DNAJB12: variants seen among roughly 807,000 people sequenced by gnomAD.
The protein encoded by DNAJB12 is dnaJ homolog subfamily B member 12.
Under a neutral mutation model 40.6 loss-of-function variants are expected in DNAJB12, and 14 were observed. The ratio of observed to expected loss-of-function variants is 0.34; its 90% confidence interval spans 0.23 to 0.54. DNAJB12 has a LOEUF of 0.54. Among genes scored for constraint, DNAJB12 ranks in the 20% least tolerant of loss-of-function variants. The pLI is 0.92. For synonymous variants in DNAJB12, 181 were observed against 199.5 expected (o/e 0.91, Z 0.78); for missense variants, 444 against 501.7 (o/e 0.89, Z 1.10).
At chr10:72,351,579 C>A (rs923306839) in intron 1 of DNAJB12, among the ~76,000 whole-genome samples, 26 of 152,226 alleles carry the variant, frequency 1.7e-4, no homozygotes, top group African/African-American at 5.8e-4. Context: ...GCTGCCATTA[C>A]CTCTCCATGG....
chr10:72,345,160 T>C, intron 1 of DNAJB12, 33 bp from the exon 2 acceptor site: 5 of 1,566,324 alleles, frequency 3.2e-6, no homozygotes, highest in African/African-American at 1.4e-5. Context: ...TCAGAGCTCC[T>C]GCTCAAGCAG....
At position 72,337,133 on chromosome 10, in the gene DNAJB12, G is replaced by A. The variant is rs1370499415; in HGVS notation, c.834-437C>T. ...AAAATGACAGGAAGGGCTCCAGGGAGCCTTATCCTCCCAGCTCCAATCACA... is the reference window on the plus strand; with the variant it reads ...AAAATGACAGGAAGGGCTCCAGGGAACCTTATCCTCCCAGCTCCAATCACA... On this transcript the variant is annotated intron_variant, in intron 6 of 8. Coordinates refer to ENST00000444643, the MANE Select transcript of DNAJB12 (RefSeq NM_017626.7). 3.9e-5 allele frequency among the ~76,000 whole-genome samples: 6 copies of A among 152,336 alleles called. No individual in the cohort carries two copies. The East Asian group carries it at 1.2e-3, about 29-fold the overall frequency.
rs1005332867 is a variant in DNAJB12, at chr10:72,335,087, C to G, written c.*31-470G>C. On this transcript the variant is annotated intron_variant, in intron 8 of 8. Transcript: ENST00000444643. This position sits in a 1 kb window ranked among gnomAD's most constrained non-coding sequence, Gnocchi z 4.4. ...TGACCTTCTGTTCCCTTCCTCAGAC[C>G]GCAGGCGAGATGCCTGGGCAAGGCC... 2 of 992,184 alleles carry G rather than the reference C, an allele frequency of 2.0e-6. No homozygotes were observed. Among genetic ancestry groups the G allele is most frequent in the Non-Finnish European group, 1.2e-6 (1 of 833,926 alleles). 61.5% of individuals were successfully genotyped at this position (992,184 alleles called of 1,614,324 possible). A position where few individuals can be genotyped will look rare whatever the true frequency, so the allele number is the denominator to read the frequency against.
At chr10:72,336,059 C>G in intron 7 of DNAJB12, 128 bp from the exon 8 acceptor site, 1 of 1,173,204 alleles carries the variant, frequency 8.5e-7, no homozygotes, top group Admixed American at 2.1e-5. Context: ...GCTGGCCTCC[C>G]ATTAGGAAGA....
rs1425144466 is a variant in DNAJB12 at position 72,336,553 on chromosome 10, C to T, written c.977G>A (p.Arg326Gln). Residue 326 changes from arginine (R) to glutamine (Q), a missense_variant, in exon 7 of 9, where the codon CGG becomes CAG. Arg to Gln is a conservative substitution (Grantham distance 43, BLOSUM62 1). Transcript: ENST00000444643. ...CTGCTTCTCCTTCCAGCAGTTGTTC[C>T]GGAGGTTGGCGATATAATCATCTTC... ...NVEDDYIANL[R>Q]NNCWKEKQQK... 10 of 1,613,942 alleles carry T rather than the reference C, an allele frequency of 6.2e-6. No homozygotes were observed. Among genetic ancestry groups the T allele is most frequent in the African/African-American group, 2.7e-5 (2 of 74,914 alleles).
rs553721615 is a variant in DNAJB12 at position 72,354,711 on chromosome 10, G to C, written c.133+54C>G. On this transcript the variant is annotated intron_variant, in intron 1 of 8. Transcript: ENST00000444643. ...CAACTGCTCCCGTCGGTCCGTTCCC[G>C]TGTTCCCCCCATCAGTTCTAATGTC... is the stretch of plus-strand genomic sequence containing the variant. 8.3e-6 allele frequency: 12 copies of C among 1,444,364 alleles called. No individual in the cohort carries two copies. The Admixed American group carries it at 2.0e-4, about 24-fold the overall frequency. The allele number at this position is 1,444,364 out of a possible 1,614,324, so 89.5% of individuals were successfully genotyped here.
chr10:72,336,409 G>C, intron 7 of DNAJB12, 115 bp downstream of exon 7: 2 of 1,172,490 alleles, frequency 1.7e-6, no homozygotes, highest in Non-Finnish European at 2.4e-6. Context: ...GCAGGGCAGT[G>C]CCAGGGGCTG....
At chr10:72,354,588 C>T (rs1051205431) in intron 1 of DNAJB12, among the ~76,000 whole-genome samples, 177 bp downstream of exon 1, 1 of 152,224 alleles carries the variant, frequency 6.6e-6, no homozygotes, top group African/African-American at 2.4e-5. Flanking sequence ...CGGCTCGCAT[C>T]CCGCAGAGGA....
At position 72,336,671 on chromosome 10, in the gene DNAJB12, C is replaced by T. The variant is rs763946459; in HGVS notation, c.859G>A (p.Val287Ile). Residue 287 changes from valine (V) to isoleucine (I), a missense_variant, in exon 7 of 9, where the codon GTC (valine) becomes ATC (isoleucine). Val to Ile is a conservative substitution (Grantham distance 29, BLOSUM62 3). Coordinates refer to ENST00000444643, the MANE Select transcript of DNAJB12 (RefSeq NM_017626.7). Reference protein sequence around the residue: ...RPSVGHIHRRVTDHLGVVYYV... With the variant: ...RPSVGHIHRRITDHLGVVYYV... ...TAGACGACACCCAGGTGGTCAGTGACTCGCCTGTGGATGTGGCCCACGGAC... is the reference window on the plus strand; with the variant it reads ...TAGACGACACCCAGGTGGTCAGTGATTCGCCTGTGGATGTGGCCCACGGAC... 12 of 1,614,074 alleles carry T rather than the reference C, an allele frequency of 7.4e-6. No homozygotes were observed. The highest frequency in any genetic ancestry group is 9.3e-6 in the Non-Finnish European group (11 of 1,179,946).
Position 72,336,587 on chromosome 10 carries a change from G to C in DNAJB12, c.943C>G (p.Arg315Gly), listed in dbSNP as rs145920797. The C allele has an allele frequency of 6.2e-7, 1 of 1,613,896 alleles. No individual in the cohort carries two copies. The highest frequency in any genetic ancestry group is 1.3e-5 in the African/African-American group (1 of 74,886). ...YTGSSLKTVERNVEDDYIANL... is the reference protein window; with the variant it reads ...YTGSSLKTVEGNVEDDYIANL... ...GCGATATAATCATCTTCCACATTCC[G>C]CTCGACTGTTTTGAGGCTGGAGCCT... is the stretch of plus-strand genomic sequence containing the variant. The change falls in exon 7 of 9, where the codon CGG becomes GGG. Residue 315 changes from arginine (R) to glycine (G), a missense_variant. Transcript: ENST00000444643.
At chr10:72,350,083 T>C (rs547904327) in intron 1 of DNAJB12, among the ~76,000 whole-genome samples, 3 of 152,212 alleles carry the variant, frequency 2.0e-5, no homozygotes, top group South Asian at 4.1e-4. Context: ...AGGATTTCTA[T>C]GGCCAAAGCC....
At chr10:72,346,794 C>T (rs1861800472) in intron 1 of DNAJB12, among the ~76,000 whole-genome samples, 2 of 152,060 alleles carry the variant, frequency 1.3e-5, no homozygotes, top group Non-Finnish European at 2.9e-5. Flanking sequence ...ATTGCTATTT[C>T]TTTCAGTGTA....
rs1370910207 is a variant in DNAJB12, at chr10:72,333,429, T to C, written c.*1219A>G. 1 of 152,420 alleles carries C rather than the reference T, an allele frequency of 6.6e-6. No individual in the cohort carries two copies. The highest frequency in any genetic ancestry group is 1.5e-5 in the Non-Finnish European group (1 of 68,042). The allele number at this position is 152,420 out of a possible 1,614,324, so 9.4% of individuals were successfully genotyped here. A position where few individuals can be genotyped will look rare whatever the true frequency, so the allele number is the denominator to read the frequency against. On this transcript the variant is annotated 3_prime_UTR_variant, in exon 9 of 9. Coordinates refer to ENST00000444643, the MANE Select transcript of DNAJB12 (RefSeq NM_017626.7). ...GTTCAGGTGTATCCTTTGTCCAAGG[T>C]ACGAGAGGAGGCCTGGCGGTCACAT...
chr10:72,348,800 C>G (rs1188893651), intron 1 of DNAJB12, among the ~76,000 whole-genome samples: 1 of 152,140 alleles, frequency 6.6e-6, no homozygotes, highest in African/African-American at 2.4e-5. Context: ...TTTTTCTTAC[C>G]CAGTGATGTG....
chr10:72,346,576 C>T (rs561341986), intron 1 of DNAJB12, among the ~76,000 whole-genome samples: 221 of 152,224 alleles, frequency 1.5e-3, no homozygotes, highest in Non-Finnish European at 2.7e-3. Context: ...CCACCCATCT[C>T]GGCCTCCCGA....
chr10:72,341,089 G>A lies in DNAJB12; in HGVS notation c.539C>T (p.Ala180Val), dbSNP rs143893741. The A allele has an allele frequency of 4.7e-4, 755 of 1,614,166 alleles. 2 individuals are homozygous for A. In the African/African-American group the frequency reaches 8.2e-3, roughly 17 times the overall value. ...YDQFGDDKSQ[A>V]ARHGHGHGDF... is the part of the protein sequence containing the mutation. ...CCCATGCCCATGGCCGTGCCGGGCC[G>A]CCTGGCTCTTGTCATCGCCGAACTG... The change falls in exon 4 of 9, where the codon GCG becomes GTG. Residue 180 changes from alanine (A) to valine (V), a missense_variant. Transcript: ENST00000444643.
At chr10:72,339,885 A>G (rs1317765793) in intron 5 of DNAJB12, among the ~76,000 whole-genome samples, 1 of 151,872 alleles carries the variant, frequency 6.6e-6, no homozygotes, top group Non-Finnish European at 1.5e-5. Flanking sequence ...TAATTTTTGT[A>G]TGTTTAGTAG....
chr10:72,338,599 A>G (rs1011596019), intron 5 of DNAJB12, among the ~76,000 whole-genome samples: 9 of 152,064 alleles, frequency 5.9e-5, no homozygotes, highest in Admixed American at 2.6e-4. Flanking sequence ...CCTCCAGGAG[A>G]ATGGAAGGCA....
At chr10:72,352,717 T>C (rs150751452) in intron 1 of DNAJB12, among the ~76,000 whole-genome samples, 5 of 152,320 alleles carry the variant, frequency 3.3e-5, no homozygotes, top group African/African-American at 1.2e-4. Context: ...CACTAGATTA[T>C]AAGCTCTTTT....
Sources: allele counts gnomAD v4.1 joint callset (sites outside exome capture counted in the v4.1 genomes callset), GRCh38; gene constraint gnomAD v4.1.1; non-coding constraint Gnocchi (gnomAD v3.1); transcripts MANE v1.5; gene names NCBI Gene and HGNC (gene_info 2026-07-23, HGNC 2026-07-21).